FHIP1A: variants seen among roughly 807,000 people sequenced by gnomAD.
FHIP1A encodes the protein FHF complex subunit HOOK interacting protein 1A.
A neutral mutation model predicts 88.6 loss-of-function variants in FHIP1A; 61 were observed. The observed-to-expected ratio is 0.69, with a 90% CI of 0.56 to 0.85. The LOEUF (loss-of-function observed/expected upper bound fraction) is 0.85. Ranked by LOEUF, FHIP1A falls within the 40% of genes least tolerant of loss-of-function variation. The pLI, the probability that FHIP1A is intolerant of heterozygous loss-of-function variation, is 0.00. For missense variants in FHIP1A, 1,154 were observed against 1,273.5 expected (o/e 0.91, Z 1.43); for synonymous variants, 478 against 496.0 (o/e 0.96, Z 0.48).
At chr4:151,578,249 C>T (rs1012460266) in intron 5 of FHIP1A, among the ~76,000 whole-genome samples, 173 bp downstream of exon 5, 10 of 152,084 alleles carry the variant, frequency 6.6e-5, no homozygotes, top group Non-Finnish European at 1.0e-4. Flanking sequence ...TAAGTTGAGA[C>T]GCTATTTGGC....
At chr4:151,622,611 A>G (rs1245231061) in intron 7 of FHIP1A, among the ~76,000 whole-genome samples, 4 of 152,120 alleles carry the variant, frequency 2.6e-5, no homozygotes, top group Non-Finnish European at 5.9e-5. Flanking sequence ...TATGCTTCGA[A>G]TAGTCCTTAG....
chr4:151,472,219 T>C (rs1241342376), intron 2 of FHIP1A, among the ~76,000 whole-genome samples: 5 of 152,192 alleles, frequency 3.3e-5, no homozygotes, highest in African/African-American at 1.2e-4. Flanking sequence ...TGACCTATGA[T>C]CTGATTTCAA....
At chr4:151,570,150 T>C (rs1207052713) in intron 4 of FHIP1A, among the ~76,000 whole-genome samples, 6 of 152,170 alleles carry the variant, frequency 3.9e-5, no homozygotes, top group Admixed American at 3.9e-4. Flanking sequence ...CGTCCTGGCT[T>C]CTGTTACTCT....
chr4:151,445,434 A>C (rs1183670410), intron 1 of FHIP1A, among the ~76,000 whole-genome samples: 1 of 151,944 alleles, frequency 6.6e-6, no homozygotes, highest in African/African-American at 2.4e-5. Context: ...TTGGTGATTG[A>C]ACTCTATTTG....
intron 7 of FHIP1A, among the ~76,000 whole-genome samples, chr4:151,615,513 A>G (rs1735487754): frequency 6.6e-6 from 1 of 152,206 alleles, no homozygotes; most frequent in Non-Finnish European, 1.5e-5. Flanking sequence ...TACTATTAAT[A>G]GTGGTAGTAA....
At chr4:151,635,264 T>G (rs1269035101) in intron 8 of FHIP1A, among the ~76,000 whole-genome samples, 1 of 151,858 alleles carries the variant, frequency 6.6e-6, no homozygotes, top group African/African-American at 2.4e-5. Flanking sequence ...AACCTTTGTG[T>G]CTTGTTTATG....
intron 4 of FHIP1A, among the ~76,000 whole-genome samples, chr4:151,568,618 A>G (rs1244120931): frequency 2.0e-5 from 3 of 152,212 alleles, no homozygotes; most frequent in Non-Finnish European, 2.9e-5. Context: ...TTGAGAATGT[A>G]TAAGCCTTGG....
At position 151,662,825 on chromosome 4, in the gene FHIP1A, A is replaced by C; in HGVS notation, c.*71A>C. ...AGTGTCTTGACTGAATGTTAAATGC[A>C]AAGCTGCTTACAAAGATTTCTACTT... On this transcript the variant is annotated 3_prime_UTR_variant, in exon 14 of 14. Transcript: ENST00000435205. The C allele has an allele frequency of 7.7e-7, 1 of 1,299,494 alleles. No homozygotes were observed. Among genetic ancestry groups the C allele is most frequent in the East Asian group, 2.7e-5 (1 of 37,094 alleles). The allele number at this position is 1,299,494 out of a possible 1,614,324, so 80.5% of individuals were successfully genotyped here.
intron 5 of FHIP1A, among the ~76,000 whole-genome samples, chr4:151,584,994 T>C (rs1156955919): frequency 6.6e-6 from 1 of 152,162 alleles, no homozygotes; most frequent in African/African-American, 2.4e-5. Context: ...TATTTTCTAT[T>C]ATGTATTCTG....
chr4:151,646,317 A>C (rs1469316384), intron 9 of FHIP1A, among the ~76,000 whole-genome samples: 1 of 152,208 alleles, frequency 6.6e-6, no homozygotes, highest in Non-Finnish European at 1.5e-5. Context: ...ATCGTTTAAG[A>C]GATGAAGAAG....
In FHIP1A at chr4:151,650,475, G is replaced by A. The variant is rs1736988260; in HGVS notation, c.2434G>A (p.Asp812Asn). 1 of 1,551,644 alleles carries A rather than the reference G, an allele frequency of 6.4e-7. No homozygotes were observed. Among genetic ancestry groups the A allele is most frequent in the South Asian group, 1.2e-5 (1 of 84,066 alleles). Residue 812 changes from aspartate (D) to asparagine (N), a missense_variant, in exon 11 of 14, where the codon GAC becomes AAC. By Grantham distance (23) the Asp-to-Asn change is conservative. Transcript: ENST00000435205. ...KELEDEEDDF[D>N]SFIAEMPAVE... The stretch of plus-strand genomic sequence containing the variant: ...GCTAGAAGATGAGGAGGATGACTTT[G>A]ACTCTTTTATAGCGGAGATGCCTGC...
chr4:151,655,721 A>G (rs907258132), intron 11 of FHIP1A, among the ~76,000 whole-genome samples: 7 of 152,128 alleles, frequency 4.6e-5, no homozygotes, highest in Non-Finnish European at 8.8e-5. Context: ...CCCTGTTGAC[A>G]GTGTTGCTAT....
intron 5 of FHIP1A, among the ~76,000 whole-genome samples, chr4:151,584,901 A>G (rs1490260069): frequency 6.6e-6 from 1 of 152,116 alleles, no homozygotes; most frequent in Non-Finnish European, 1.5e-5. Context: ...TCACCAGCTT[A>G]GATATCACTT....
At chr4:151,631,355 C>G (rs1380840975) in intron 8 of FHIP1A, among the ~76,000 whole-genome samples, 1 of 151,872 alleles carries the variant, frequency 6.6e-6, no homozygotes, top group Non-Finnish European at 1.5e-5. Context: ...AACTATATGC[C>G]AAAGGATGAC....
chr4:151,661,575 A>G (rs1267964104), intron 13 of FHIP1A, among the ~76,000 whole-genome samples: 1 of 152,126 alleles, frequency 6.6e-6, no homozygotes, highest in Non-Finnish European at 1.5e-5. Context: ...CTTGAATATA[A>G]TGATTTATAA....
intron 8 of FHIP1A, among the ~76,000 whole-genome samples, chr4:151,632,109 C>T (rs1736178488): frequency 6.6e-6 from 1 of 151,732 alleles, no homozygotes; most frequent in South Asian, 2.1e-4. Flanking sequence ...AAAAATATAT[C>T]CTATGCAAAT....
intron 13 of FHIP1A, among the ~76,000 whole-genome samples, chr4:151,659,866 C>G (rs970754322): frequency 2.6e-5 from 4 of 152,240 alleles, no homozygotes; most frequent in Non-Finnish European, 5.9e-5. Flanking sequence ...AGCGGACGTC[C>G]TGTTCCCAGT....
chr4:151,468,321 G>A (rs1256341196), intron 2 of FHIP1A, among the ~76,000 whole-genome samples: 2 of 142,610 alleles, frequency 1.4e-5, no homozygotes, highest in East Asian at 4.3e-4. Flanking sequence ...ATACAAATTT[G>A]TGACTAGATC....
chr4:151,542,136 AGT>A (rs542056945), intron 3 of FHIP1A, among the ~76,000 whole-genome samples: 1 of 151,696 alleles, frequency 6.6e-6, no homozygotes, highest in Non-Finnish European at 1.5e-5. Flanking sequence ...CACCCTTCAA[AGT>A]GTGTGTGTGG....
Sources: allele counts gnomAD v4.1 joint callset (sites outside exome capture counted in the v4.1 genomes callset), GRCh38; gene constraint gnomAD v4.1.1; transcripts MANE v1.5; gene names NCBI Gene and HGNC (gene_info 2026-07-23, HGNC 2026-07-21).